Variants in ZMAT4 observed in about 807,000 individuals in gnomAD.
ZMAT4 encodes zinc finger matrin-type 4, also known as zinc finger matrin-type protein 4.
ZMAT4 carries 17 observed loss-of-function variants against 28.7 expected under a neutral mutation model. That is an observed-to-expected ratio of 0.59 (90% CI 0.41 to 0.89). The LOEUF (loss-of-function observed/expected upper bound fraction) is 0.89, where lower values mean the gene tolerates loss of function less well. Ranked by LOEUF, ZMAT4 falls within the 40% of genes least tolerant of loss-of-function variation. The probability of loss-of-function intolerance (pLI) is 0.00; values close to 1 mark genes in which losing one functional copy is unlikely to be tolerated. For synonymous variants in ZMAT4, 117 were observed against 109.2 expected (o/e 1.07, Z -0.44); for missense variants, 240 against 283.8 (o/e 0.85, Z 1.11).
chr8:40,746,753 G>T (rs1408144194), intron 3 of ZMAT4, among the ~76,000 whole-genome samples: 2 of 152,098 alleles, frequency 1.3e-5, no homozygotes, highest in African/African-American at 4.8e-5. Flanking sequence ...ACATGGTCTG[G>T]CTCCTACCAT....
At chr8:40,666,675 A>G (rs1426200405) in intron 5 of ZMAT4, among the ~76,000 whole-genome samples, 1 of 152,194 alleles carries the variant, frequency 6.6e-6, no homozygotes, top group East Asian at 1.9e-4. Flanking sequence ...ACACATAAAA[A>G]TAAAACACAC....
Position 40,852,963 on chromosome 8 carries a change from A to T in ZMAT4, c.-4-27283T>A, listed in dbSNP as rs535306057. Among the ~76,000 whole-genome samples the T allele has an allele frequency of 3.9e-5, 6 of 152,292 alleles. No individual in the cohort carries two copies. In the South Asian group the frequency reaches 1.2e-3, roughly 32 times the overall value. ...TGAATTTTATCACGGGCAAAAAAAA[A>T]TGTGGTCAGTTATGTTCCTTGAAAT... is the stretch of plus-strand genomic sequence containing the variant. On this transcript the variant is annotated intron_variant, in intron 1 of 6. Transcript: ENST00000297737.
At chr8:40,772,943 T>A (rs144267179) in intron 2 of ZMAT4, among the ~76,000 whole-genome samples, 7 of 152,078 alleles carry the variant, frequency 4.6e-5, no homozygotes, top group African/African-American at 1.7e-4. Context: ...GATGAGGGAC[T>A]CCATCACACA....
intron 1 of ZMAT4, among the ~76,000 whole-genome samples, chr8:40,833,944 T>G (rs1227912840): frequency 2.0e-5 from 3 of 152,198 alleles, no homozygotes. Context: ...GCCTGAGCTT[T>G]GTTTAAAAAG....
At chr8:40,708,862 T>C (rs887574504) in intron 3 of ZMAT4, among the ~76,000 whole-genome samples, 1 of 151,756 alleles carries the variant, frequency 6.6e-6, no homozygotes, top group South Asian at 2.1e-4. Flanking sequence ...TTGGCCAGGC[T>C]AGTCTCGAGC....
chr8:40,667,124 C>T (rs1808447965), intron 5 of ZMAT4, among the ~76,000 whole-genome samples: 1 of 151,548 alleles, frequency 6.6e-6, no homozygotes. Context: ...AAACACTGGC[C>T]CGCAATAATT....
At chr8:40,814,408 G>C (rs1815451426) in intron 2 of ZMAT4, among the ~76,000 whole-genome samples, 1 of 152,210 alleles carries the variant, frequency 6.6e-6, no homozygotes. Flanking sequence ...ACTGGGAATA[G>C]AAAAGCTGAA....
At chr8:40,757,825 T>C (rs1444525459) in intron 3 of ZMAT4, among the ~76,000 whole-genome samples, 1 of 152,046 alleles carries the variant, frequency 6.6e-6, no homozygotes, top group African/African-American at 2.4e-5. Context: ...TTTGAGTCAG[T>C]GGACTGGGAG....
chr8:40,670,807 A>G (rs1197665466), intron 5 of ZMAT4, among the ~76,000 whole-genome samples: 1 of 152,166 alleles, frequency 6.6e-6, no homozygotes, highest in East Asian at 1.9e-4. Context: ...GGTGGCTCAC[A>G]CCTGTAATCC....
intron 1 of ZMAT4, among the ~76,000 whole-genome samples, chr8:40,860,623 T>C (rs1486688423): frequency 1.3e-5 from 2 of 152,182 alleles, no homozygotes; most frequent in African/African-American, 4.8e-5. Context: ...TCCCAAATCT[T>C]TTCAGTCTAT....
At chr8:40,600,127 C>T (rs1805249408) in intron 5 of ZMAT4, among the ~76,000 whole-genome samples, 1 of 152,348 alleles carries the variant, frequency 6.6e-6, no homozygotes, top group South Asian at 2.1e-4. Flanking sequence ...CACTAAATGG[C>T]TGTTTAATTA....
chr8:40,759,471 A>C (rs1337590236), intron 3 of ZMAT4, among the ~76,000 whole-genome samples: 1 of 152,124 alleles, frequency 6.6e-6, no homozygotes, highest in East Asian at 1.9e-4. Flanking sequence ...AAAGAGACAC[A>C]AAGAGGTGAT....
At chr8:40,638,152 T>G (rs188810494) in intron 5 of ZMAT4, among the ~76,000 whole-genome samples, 1 of 152,274 alleles carries the variant, frequency 6.6e-6, no homozygotes, top group African/African-American at 2.4e-5. Flanking sequence ...TTGTACAATA[T>G]AGTGACTATA....
chr8:40,844,059 C>A (rs938954697), intron 1 of ZMAT4, among the ~76,000 whole-genome samples: 7 of 152,190 alleles, frequency 4.6e-5, no homozygotes, highest in African/African-American at 1.2e-4. Flanking sequence ...TTTAGCCCAG[C>A]CTGGAGCACT....
At chr8:40,675,509 A>G (rs1808872872) in intron 4 of ZMAT4, among the ~76,000 whole-genome samples, 1 of 152,240 alleles carries the variant, frequency 6.6e-6, no homozygotes, top group Non-Finnish European at 1.5e-5. Context: ...AACACTAAAA[A>G]TAAATATTGG....
chr8:40,663,969 A>C (rs1486319392), intron 5 of ZMAT4, among the ~76,000 whole-genome samples: 1 of 152,198 alleles, frequency 6.6e-6, no homozygotes, highest in Non-Finnish European at 1.5e-5. Flanking sequence ...TCAAGTATTC[A>C]GTACTTGAAA....
chr8:40,759,670 TA>T (rs1256218113), intron 3 of ZMAT4, among the ~76,000 whole-genome samples: 1 of 152,106 alleles, frequency 6.6e-6, no homozygotes, highest in Non-Finnish European at 1.5e-5. Context: ...ACAGGCCAAC[TA>T]AAACAAGGGT....
At chr8:40,616,540 G>T (rs1013082079) in intron 5 of ZMAT4, among the ~76,000 whole-genome samples, 2 of 152,106 alleles carry the variant, frequency 1.3e-5, no homozygotes, top group African/African-American at 4.8e-5. Flanking sequence ...TATACACCAT[G>T]GAATACTATG....
At chr8:40,777,975 G>C (rs1038468391) in intron 2 of ZMAT4, among the ~76,000 whole-genome samples, 6 of 152,098 alleles carry the variant, frequency 3.9e-5, no homozygotes, top group Admixed American at 2.0e-4. Flanking sequence ...CATTTCTCTT[G>C]ATCCAACCCC....
Sources: gnomAD v4.1 joint callset for allele counts (sites outside exome capture counted in the v4.1 genomes callset) on GRCh38, gnomAD v4.1.1 for gene constraint, MANE v1.5 for transcripts, NCBI Gene and HGNC (gene_info 2026-07-23, HGNC 2026-07-21) for gene names.